The following SHANK2 variants were observed in gnomAD, a reference collection of about 807,000 sequenced individuals.
SHANK2 encodes SH3 and multiple ankyrin repeat domains 2.
SHANK2 carries 43 observed loss-of-function variants against 133.7 expected under a neutral mutation model. That is an observed-to-expected ratio of 0.32 (90% confidence interval 0.25 to 0.41). The LOEUF is 0.41. Among genes scored for constraint, SHANK2 ranks in the 10% least tolerant of loss-of-function variants. The probability of loss-of-function intolerance (pLI) is 1.00; values close to 1 mark genes in which losing one functional copy is unlikely to be tolerated. For synonymous variants in SHANK2, 1,017 were observed against 952.8 expected (o/e 1.07, Z -1.24); for missense variants, 1,994 against 2,235.8 (o/e 0.89, Z 2.18).
At chr11:70,783,457 T>C (rs1947557958) in intron 14 of SHANK2, among the ~76,000 whole-genome samples, 1 of 151,942 alleles carries the variant, frequency 6.6e-6, no homozygotes, top group Non-Finnish European at 1.5e-5. Context: ...GTGACCCAGA[T>C]CTACTCACAT....
chr11:70,877,363 G>C (rs782792097), intron 11 of SHANK2, among the ~76,000 whole-genome samples: 1 of 152,214 alleles, frequency 6.6e-6, no homozygotes, highest in East Asian at 1.9e-4. Flanking sequence ...GATTTCTATA[G>C]TAACCGGCCA....
intron 17 of SHANK2, among the ~76,000 whole-genome samples, chr11:70,557,149 CTCATTCAT>C (rs56238037): frequency 0.61 from 92,575 of 150,748 alleles, 28,653 homozygotes; most frequent in South Asian, 0.77. Flanking sequence ...CACTAAAAGC[CTCATTCAT>C]TCATTCATTC....
chr11:70,879,945 T>C (rs1555072112), intron 11 of SHANK2, among the ~76,000 whole-genome samples: 1 of 152,180 alleles, frequency 6.6e-6, no homozygotes, highest in Non-Finnish European at 1.5e-5. Context: ...TCCTGGCTTT[T>C]GAGGGTAGCC....
chr11:71,238,689 G>A (rs1311803581), intron 1 of SHANK2, among the ~76,000 whole-genome samples: 1 of 152,250 alleles, frequency 6.6e-6, no homozygotes, highest in African/African-American at 2.4e-5. Flanking sequence ...AGAGAACAGT[G>A]TGCTGAAACA....
chr11:70,930,072 A>G (rs1555082237), intron 10 of SHANK2, among the ~76,000 whole-genome samples: 2 of 152,238 alleles, frequency 1.3e-5, no homozygotes, highest in Non-Finnish European at 2.9e-5. Flanking sequence ...TTCAATGAAC[A>G]GACATGACTA....
At chr11:70,688,843 C>G (rs1380734478) in intron 15 of SHANK2, among the ~76,000 whole-genome samples, 2 of 152,182 alleles carry the variant, frequency 1.3e-5, no homozygotes, top group African/African-American at 4.8e-5. Context: ...GTCTCCCCAC[C>G]ACAGCTCTAT....
chr11:70,872,117 T>C (rs563070831), intron 11 of SHANK2, among the ~76,000 whole-genome samples: 1 of 152,308 alleles, frequency 6.6e-6, no homozygotes, highest in Admixed American at 6.5e-5. Flanking sequence ...CAGTGTCCCA[T>C]TGCCAATTGC....
At chr11:70,784,180 CTT>C (rs1160381914) in intron 14 of SHANK2, among the ~76,000 whole-genome samples, 20 of 141,910 alleles carry the variant, frequency 1.4e-4, no homozygotes, top group Admixed American at 1.4e-4. Flanking sequence ...GAAACCCCTG[CTT>C]TTTTTTTTTT....
chr11:71,247,565 G>A (rs1954979084), intron 1 of SHANK2, among the ~76,000 whole-genome samples: 1 of 151,544 alleles, frequency 6.6e-6, no homozygotes, highest in Non-Finnish European at 1.5e-5. Flanking sequence ...CCATGGCAGA[G>A]CTGCAGTGCT....
chr11:70,798,406 A>G (rs1307726412), intron 14 of SHANK2, 37 bp downstream of exon 14: 9 of 716,184 alleles, frequency 1.3e-5, no homozygotes, highest in Non-Finnish European at 2.1e-5. Context: ...ATAGGCCTGC[A>G]GGATCGAGGG....
chr11:70,671,413 G>A lies in SHANK2; in HGVS notation c.1854-9735C>T, dbSNP rs146259037. On this transcript the variant is annotated intron_variant, in intron 15 of 25. Coordinates refer to ENST00000601538, the MANE Select transcript of SHANK2 (RefSeq NM_012309.5). ...TCGAGCGCCAGTATCCTCACTTGAC[G>A]ACTACAGATGTCAACCACAGCCTGG... 1.2e-4 allele frequency among the ~76,000 whole-genome samples: 19 copies of A among 152,314 alleles called. No homozygotes were observed. In the East Asian group the frequency reaches 3.5e-3, roughly 28 times the overall value.
At chr11:71,137,443 G>A (rs1952465900) in intron 3 of SHANK2, among the ~76,000 whole-genome samples, 1 of 152,130 alleles carries the variant, frequency 6.6e-6, no homozygotes, top group South Asian at 2.1e-4. Context: ...TTTCAACAGA[G>A]AAGGTATGGA....
chr11:70,597,610 C>T (rs559178153), intron 17 of SHANK2, among the ~76,000 whole-genome samples: 135 of 152,240 alleles, frequency 8.9e-4, no homozygotes, highest in African/African-American at 1.6e-3. Flanking sequence ...CAGTGGCTCA[C>T]GCCTGTAATC....
At chr11:71,247,921 G>A (rs782212675) in intron 1 of SHANK2, among the ~76,000 whole-genome samples, 16 of 152,196 alleles carry the variant, frequency 1.1e-4, no homozygotes, top group African/African-American at 3.1e-4. Context: ...GCAGCCAATC[G>A]GGGAGCCCAG....
intron 11 of SHANK2, among the ~76,000 whole-genome samples, chr11:70,831,100 G>C (rs1555058300): frequency 6.6e-6 from 1 of 152,174 alleles, no homozygotes; most frequent in African/African-American, 2.4e-5. Context: ...TGTGAGTTGG[G>C]CTGGGGGCAG....
intron 2 of SHANK2, among the ~76,000 whole-genome samples, chr11:71,169,952 G>A (rs1304120330): frequency 6.6e-6 from 1 of 152,074 alleles, no homozygotes; most frequent in Admixed American, 6.5e-5. Flanking sequence ...CAAGGCTGCA[G>A]TGCTCTGTGA....
intron 11 of SHANK2, among the ~76,000 whole-genome samples, chr11:70,860,233 A>C (rs1949236908): frequency 6.6e-6 from 1 of 152,082 alleles, no homozygotes; most frequent in African/African-American, 2.4e-5. Flanking sequence ...CCCGCCCCAA[A>C]GCCCCATGGC....
At chr11:71,149,253 C>T (rs1555107398) in intron 2 of SHANK2, among the ~76,000 whole-genome samples, 1 of 152,278 alleles carries the variant, frequency 6.6e-6, no homozygotes, top group African/African-American at 2.4e-5. Context: ...ACTGGTGTGC[C>T]TCAAAGCAAG....
intron 21 of SHANK2, among the ~76,000 whole-genome samples, chr11:70,496,137 G>A (rs1423408747): frequency 6.6e-6 from 1 of 152,180 alleles, no homozygotes; most frequent in Admixed American, 6.5e-5. Flanking sequence ...GCGCAGGTGG[G>A]TGTGGGAAGG....
Sources: allele counts gnomAD v4.1 joint callset (sites outside exome capture counted in the v4.1 genomes callset), GRCh38; gene constraint gnomAD v4.1.1; transcripts MANE v1.5; gene names NCBI Gene and HGNC (gene_info 2026-07-23, HGNC 2026-07-21).